Variants in RBFOX1 observed in about 807,000 individuals in gnomAD.
RBFOX1 encodes the protein RNA binding fox-1 homolog 1.
In RBFOX1, 8 loss-of-function variants were observed where a neutral mutation model predicts 57.7. The observed-to-expected ratio is 0.14, with a 90% CI of 0.08 to 0.25. The LOEUF is 0.25. Ranked by LOEUF, RBFOX1 falls within the 10% of genes least tolerant of loss-of-function variation. The pLI is 1.00. For synonymous variants in RBFOX1, 326 were observed against 222.4 expected (o/e 1.47, Z -4.15); for missense variants, 611 against 548.5 (o/e 1.11, Z -1.14).
Position 7,656,385 on chromosome 16 carries a change from G to A in RBFOX1, c.890+2438G>A, listed in dbSNP as rs192619264. 3.1e-3 allele frequency among the ~76,000 whole-genome samples: 478 copies of A among 152,282 alleles called. 4 individuals are homozygous for A. Among genetic ancestry groups the A allele is most frequent in the Non-Finnish European group, 5.1e-3 (349 of 68,024 alleles). ...GATTAGGTTGCAGGAGATGGCAAGG[G>A]GATGGCTCCTCTTGGAAAGGAAGAG... On this transcript the variant is annotated intron_variant, in intron 12 of 15. Transcript: ENST00000550418.
At chr16:6,812,623 C>T (rs140506550) in intron 3 of RBFOX1, among the ~76,000 whole-genome samples, 4 of 152,212 alleles carry the variant, frequency 2.6e-5, no homozygotes, top group Admixed American at 2.0e-4. Context: ...TTGATCCACC[C>T]GCCTCAGCCT....
At chr16:7,700,360 A>G (rs1016905707) in intron 14 of RBFOX1, among the ~76,000 whole-genome samples, 7 of 152,130 alleles carry the variant, frequency 4.6e-5, no homozygotes, top group Admixed American at 2.6e-4. Context: ...CCATTTATAG[A>G]TGGTATAACC....
At chr16:6,710,212 G>A (rs1978291) in intron 3 of RBFOX1, among the ~76,000 whole-genome samples, 1 of 152,064 alleles carries the variant, frequency 6.6e-6, no homozygotes, top group Non-Finnish European at 1.5e-5. Context: ...TGAAATGTTT[G>A]TCACTTATTT....
At chr16:5,790,651 C>G (rs1323624779) in intron 3 of RBFOX1, among the ~76,000 whole-genome samples, 1 of 152,124 alleles carries the variant, frequency 6.6e-6, no homozygotes, top group Non-Finnish European at 1.5e-5. Context: ...TAAGCCTCGT[C>G]TCCCTCCTGG....
intron 5 of RBFOX1, among the ~76,000 whole-genome samples, chr16:7,536,155 C>A (rs1230685091): frequency 1.3e-5 from 2 of 152,172 alleles, no homozygotes; most frequent in Non-Finnish European, 2.9e-5. Flanking sequence ...GGATGTGGAT[C>A]TCGTGGAAAG....
chr16:6,317,122 C>T, intron 2 of RBFOX1, 65 bp downstream of exon 2: 3 of 1,418,152 alleles, frequency 2.1e-6, no homozygotes, highest in African/African-American at 1.4e-5. Context: ...CCTGTTCTCT[C>T]TGAAAAGCTC....
chr16:6,595,484 A>C (rs1300184089), intron 2 of RBFOX1, among the ~76,000 whole-genome samples: 2 of 152,134 alleles, frequency 1.3e-5, no homozygotes, highest in African/African-American at 2.4e-5. Context: ...GATTGTTTCC[A>C]CTTTTCAGCT....
chr16:6,506,551 C>G lies in RBFOX1; in HGVS notation c.-63-148052C>G, dbSNP rs553511498. On this transcript the variant is annotated intron_variant, in intron 2 of 15. Coordinates refer to ENST00000550418, the MANE Select transcript of RBFOX1 (RefSeq NM_018723.4). The stretch of plus-strand genomic sequence containing the variant: ...TTATAAACTTGGGACATCTATGGAC[C>G]CACAGTGTAGTCTAGACTCACCTTT... Among the ~76,000 whole-genome samples the G allele has an allele frequency of 1.1e-4, 17 of 151,026 alleles. No individual in the cohort carries two copies. The South Asian group carries it at 3.6e-3, about 32-fold the overall frequency.
intron 3 of RBFOX1, among the ~76,000 whole-genome samples, chr16:5,832,622 C>T (rs1022746578): frequency 6.6e-6 from 1 of 152,168 alleles, no homozygotes; most frequent in African/African-American, 2.4e-5. Flanking sequence ...GATGTCTCTC[C>T]CAAGAGCCTG....
intron 4 of RBFOX1, among the ~76,000 whole-genome samples, chr16:5,903,698 T>G (rs972306290): frequency 1.3e-5 from 2 of 152,146 alleles, no homozygotes; most frequent in African/African-American, 2.4e-5. Flanking sequence ...TGGCCTTAGA[T>G]ATGTGACCCC....
intron 4 of RBFOX1, among the ~76,000 whole-genome samples, chr16:7,495,694 C>T (rs1322058765): frequency 6.6e-6 from 1 of 152,002 alleles, no homozygotes; most frequent in African/African-American, 2.4e-5. Context: ...TAATATAATT[C>T]CATCTTTAAG....
chr16:7,259,645 C>T (rs1022557519), intron 4 of RBFOX1, among the ~76,000 whole-genome samples: 1 of 151,956 alleles, frequency 6.6e-6, no homozygotes, highest in Non-Finnish European at 1.5e-5. Context: ...ATAAACAAGC[C>T]TATAGCTTTT....
At chr16:6,816,336 T>C (rs2090061011) in intron 3 of RBFOX1, among the ~76,000 whole-genome samples, 1 of 152,120 alleles carries the variant, frequency 6.6e-6, no homozygotes. Flanking sequence ...ACAATCATTG[T>C]GTCATGTCTG....
At chr16:7,510,403 C>T in intron 4 of RBFOX1, 4 of 922,980 alleles carry the variant, frequency 4.3e-6, no homozygotes, top group Non-Finnish European at 5.2e-6. Context: ...TCCGTGCTGT[C>T]GGTGACACGT....
At chr16:7,462,278 C>G (rs1036768196) in intron 4 of RBFOX1, among the ~76,000 whole-genome samples, 10 of 152,104 alleles carry the variant, frequency 6.6e-5, no homozygotes, top group African/African-American at 2.2e-4. Context: ...AAGAAACACC[C>G]GGGGTCAGGA....
At chr16:6,489,087 T>C (rs2095570410) in intron 2 of RBFOX1, among the ~76,000 whole-genome samples, 1 of 152,160 alleles carries the variant, frequency 6.6e-6, no homozygotes, top group Non-Finnish European at 1.5e-5. Context: ...ATGGCATGGG[T>C]CGTTGTGATT....
intron 1 of RBFOX1, among the ~76,000 whole-genome samples, chr16:6,298,985 A>T (rs938684424): frequency 5.9e-5 from 9 of 152,186 alleles, no homozygotes; most frequent in Non-Finnish European, 1.3e-4. Context: ...GGAAAAGAAT[A>T]TCAGGATCTT....
intron 3 of RBFOX1, among the ~76,000 whole-genome samples, chr16:7,007,870 A>C (rs1037256257): frequency 2.6e-5 from 4 of 152,174 alleles, no homozygotes; most frequent in African/African-American, 7.2e-5. Context: ...GGAAGTATCA[A>C]CATGGACTTG....
chr16:5,332,817 AT>A (rs2064791483), intron 1 of RBFOX1, among the ~76,000 whole-genome samples: 1 of 152,034 alleles, frequency 6.6e-6, no homozygotes, highest in Non-Finnish European at 1.5e-5. Context: ...AATATACTTT[AT>A]ATATAGAAAT....
Sources: gnomAD v4.1 joint callset for allele counts (sites outside exome capture counted in the v4.1 genomes callset) on GRCh38, gnomAD v4.1.1 for gene constraint, MANE v1.5 for transcripts, NCBI Gene and HGNC (gene_info 2026-07-23, HGNC 2026-07-21) for gene names.